DLGAP5: variants seen among roughly 807,000 people sequenced by gnomAD.
The protein encoded by DLGAP5 is disks large-associated protein 5.
In DLGAP5, 90 loss-of-function variants were observed where a neutral mutation model predicts 99.6. That is an observed-to-expected ratio of 0.90 (90% confidence interval 0.76 to 1.08). DLGAP5 has a LOEUF of 1.08. DLGAP5 is among the 50% of genes least tolerant of loss of function. The pLI, the probability that DLGAP5 is intolerant of heterozygous loss-of-function variation, is 0.00. For missense variants in DLGAP5, 1,036 were observed against 983.5 expected, an observed-to-expected ratio of 1.05 and a Z score of -0.71; for synonymous variants, 311 against 321.3, an observed-to-expected ratio of 0.97 and a Z score of 0.34.
At chr14:55,173,298 A>AC (rs1566502928) in intron 10 of DLGAP5, among the ~76,000 whole-genome samples, 13 of 151,342 alleles carry the variant, frequency 8.6e-5, no homozygotes, top group South Asian at 2.1e-4. Flanking sequence ...CAAAAAAAAA[A>AC]ACACACACAC....
chr14:55,190,426 C>G (rs1328971724), intron 1 of DLGAP5, among the ~76,000 whole-genome samples: 1 of 152,026 alleles, frequency 6.6e-6, no homozygotes, highest in Non-Finnish European at 1.5e-5. Flanking sequence ...GTAGATCCAA[C>G]TAGGGAGAAC....
intron 3 of DLGAP5, 56 bp from the exon 4 acceptor site, chr14:55,182,488 C>G: frequency 7.0e-7 from 1 of 1,425,278 alleles, no homozygotes; most frequent in Non-Finnish European, 9.7e-7. Flanking sequence ...AGGTTTACTT[C>G]CATATCTTAT....
At chr14:55,160,528 A>ACCTCTG (rs1176626895) in intron 13 of DLGAP5, among the ~76,000 whole-genome samples, 8 of 150,048 alleles carry the variant, frequency 5.3e-5, no homozygotes, top group Admixed American at 2.0e-4. Flanking sequence ...GTTCAATGTA[A>ACCTCTG]CCTCTGCCTC....
In DLGAP5 at chr14:55,177,277, T is replaced by A; in HGVS notation, c.834A>T (p.Thr278=). The A allele has an allele frequency of 6.2e-7, 1 of 1,612,028 alleles. No homozygotes were observed. Among genetic ancestry groups the A allele is most frequent in the Non-Finnish European group, 8.5e-7 (1 of 1,179,394 alleles). ...AGACTCCATCTGGATTCATTCCACT[T>A]GTTGCATTAGTTTGTGAATTCAAAG... ...ENTLNSQTNA[T]SGMNPDGVLS... The change falls in exon 8 of 19, where the codon ACA becomes ACT. Residue 278 remains threonine, a synonymous_variant. Coordinates refer to ENST00000247191, the MANE Select transcript of DLGAP5 (RefSeq NM_014750.5).
At chr14:55,175,198 A>G (rs1883016684) in intron 10 of DLGAP5, 148 bp downstream of exon 10, 1 of 636,754 alleles carries the variant, frequency 1.6e-6, no homozygotes, top group African/African-American at 1.9e-5. Context: ...TGAATGTACT[A>G]GTTATCAAAA....
intron 10 of DLGAP5, among the ~76,000 whole-genome samples, chr14:55,171,980 A>AT (rs1882876030): frequency 1.3e-5 from 2 of 152,050 alleles, no homozygotes; most frequent in Admixed American, 1.3e-4. Context: ...ATGGGGAGTT[A>AT]TTTTTTAGTA....
intron 10 of DLGAP5, 111 bp downstream of exon 10, chr14:55,175,235 T>C (rs1464336887): frequency 1.1e-6 from 1 of 876,024 alleles, no homozygotes; most frequent in African/African-American, 1.8e-5. Context: ...AACGTGAAAA[T>C]CACCTAACAC....
intron 10 of DLGAP5, among the ~76,000 whole-genome samples, chr14:55,173,877 G>A (rs925611451): frequency 2.6e-5 from 4 of 152,076 alleles, no homozygotes; most frequent in African/African-American, 9.7e-5. Context: ...GTCAGCTGAG[G>A]AGGATGTATG....
At chr14:55,148,553 T>A in intron 18 of DLGAP5, 80 bp from the exon 19 acceptor site, 1 of 1,607,914 alleles carries the variant, frequency 6.2e-7, no homozygotes, top group Non-Finnish European at 8.5e-7. Flanking sequence ...CTATAGTGGA[T>A]TAATTAATAA....
At chr14:55,190,607 C>T (rs926110786) in intron 1 of DLGAP5, among the ~76,000 whole-genome samples, 1 of 152,138 alleles carries the variant, frequency 6.6e-6, no homozygotes, top group African/African-American at 2.4e-5. Context: ...TATTCTTCAA[C>T]AAGAATTAAC....
At chr14:55,150,970 G>T in intron 17 of DLGAP5, 122 bp from the exon 18 acceptor site, 1 of 618,704 alleles carries the variant, frequency 1.6e-6, no homozygotes. Context: ...CAAAAATATA[G>T]ACCCCTATGC....
Position 55,175,296 on chromosome 14 carries a change from A to T in DLGAP5, c.1301+50T>A, listed in dbSNP as rs377602115. On this transcript the variant is annotated intron_variant, in intron 10 of 18. Coordinates refer to ENST00000247191, the MANE Select transcript of DLGAP5 (RefSeq NM_014750.5). ...TAAAAATTTTTAGTTTTGGTTTTAAATGTCTAGATATTAATACAAAATTCT... is the reference window on the plus strand; with the variant it reads ...TAAAAATTTTTAGTTTTGGTTTTAATTGTCTAGATATTAATACAAAATTCT... 4 of 1,554,424 alleles carry T rather than the reference A, an allele frequency of 2.6e-6. No homozygotes were observed. The East Asian group carries it at 9.4e-5, about 36-fold the overall frequency.
chr14:55,170,870 C>T, intron 10 of DLGAP5, 83 bp from the exon 11 acceptor site: 1 of 951,006 alleles, frequency 1.1e-6, no homozygotes, highest in Non-Finnish European at 1.7e-6. Flanking sequence ...TGATACATAA[C>T]ATTAGGAAGT....
chr14:55,149,982 G>A (rs1881958451), intron 18 of DLGAP5, among the ~76,000 whole-genome samples: 1 of 151,662 alleles, frequency 6.6e-6, no homozygotes, highest in East Asian at 1.9e-4. Flanking sequence ...GAACCCAGGA[G>A]GCAGAGGTTA....
intron 10 of DLGAP5, among the ~76,000 whole-genome samples, chr14:55,174,536 G>A (rs372282443): frequency 5.3e-5 from 8 of 152,188 alleles, no homozygotes; most frequent in Admixed American, 1.3e-4. Flanking sequence ...GGGGCATCAC[G>A]GAACCTACCG....
intron 10 of DLGAP5, 117 bp from the exon 11 acceptor site, chr14:55,170,904 T>C: frequency 1.5e-6 from 1 of 689,076 alleles, no homozygotes; most frequent in Non-Finnish European, 2.5e-6. Context: ...CACAATATTT[T>C]CCCAAAGTTG....
Position 55,148,929 on chromosome 14 carries a change from T to C in DLGAP5, c.2419-456A>G, listed in dbSNP as rs576452099. Among the ~76,000 whole-genome samples, 3 of 152,338 alleles carry C rather than the reference T, an allele frequency of 2.0e-5. No individual in the cohort carries two copies. The South Asian group carries it at 6.2e-4, about 32-fold the overall frequency. The stretch of plus-strand genomic sequence containing the variant: ...TCTTAAGCCACTTACATAGATTCCA[T>C]AAATCCTAAACCATATAATAGCACT... On this transcript the variant is annotated intron_variant, in intron 18 of 18. Coordinates refer to ENST00000247191, the MANE Select transcript of DLGAP5 (RefSeq NM_014750.5).
At chr14:55,174,776 C>T (rs1326340177) in intron 10 of DLGAP5, among the ~76,000 whole-genome samples, 1 of 151,412 alleles carries the variant, frequency 6.6e-6, no homozygotes, top group African/African-American at 2.4e-5. Context: ...CTGCAACCTC[C>T]GCCTCCCAGG....
In DLGAP5 at chr14:55,154,752, A is replaced by T; in HGVS notation, c.1928T>A (p.Val643Asp). 1 of 1,614,150 alleles carries T rather than the reference A, an allele frequency of 6.2e-7. No homozygotes were observed. The highest frequency in any genetic ancestry group is 8.5e-7 in the Non-Finnish European group (1 of 1,180,014). Residue 643 changes from valine (V) to aspartate (D), a missense_variant, in exon 15 of 19, where the codon GTC (valine) becomes GAC (aspartate). Coordinates refer to ENST00000247191, the MANE Select transcript of DLGAP5 (RefSeq NM_014750.5). ...TCTACTCTGAGATACAGCTTTGTTGACAGACTTAGGTGTTCCAAGTCTTTG... is the reference window on the plus strand; with the variant it reads ...TCTACTCTGAGATACAGCTTTGTTGTCAGACTTAGGTGTTCCAAGTCTTTG... The part of the protein sequence containing the change: ...PSQRLGTPKS[V>D]NKAVSQSRNE...
Sources: allele counts gnomAD v4.1 joint callset (sites outside exome capture counted in the v4.1 genomes callset), GRCh38; gene constraint gnomAD v4.1.1; transcripts MANE v1.5; gene names NCBI Gene and HGNC (gene_info 2026-07-23, HGNC 2026-07-21).